ARHGAP10: variants seen among roughly 807,000 people sequenced by gnomAD.
ARHGAP10 encodes rho GTPase-activating protein 10.
ARHGAP10 carries 87 observed loss-of-function variants against 108.6 expected under a neutral mutation model. The observed-to-expected ratio is 0.80, with a 90% CI of 0.67 to 0.96. The LOEUF (loss-of-function observed/expected upper bound fraction) is 0.96. ARHGAP10 is among the 40% of genes least tolerant of loss of function. ARHGAP10 has a pLI of 0.00. For synonymous variants in ARHGAP10, 347 were observed against 341.1 expected (o/e 1.02, Z -0.19); for missense variants, 939 against 954.5 (o/e 0.98, Z 0.21).
chr4:147,737,608 T>G (rs964032882), intron 1 of ARHGAP10, among the ~76,000 whole-genome samples: 3 of 152,240 alleles, frequency 2.0e-5, no homozygotes, highest in Non-Finnish European at 4.4e-5. Flanking sequence ...GGAATACTCA[T>G]CTACACTCTT....
intron 20 of ARHGAP10, among the ~76,000 whole-genome samples, chr4:148,056,900 G>GCTT (rs567607371): frequency 1.3e-5 from 2 of 152,132 alleles, no homozygotes; most frequent in Non-Finnish European, 2.9e-5. Flanking sequence ...AGTAGTGAGG[G>GCTT]CTTCATTTAT....
chr4:147,782,696 C>G (rs550088277), intron 1 of ARHGAP10: 5 of 152,250 alleles, frequency 3.3e-5, no homozygotes, highest in Non-Finnish European at 7.4e-5. Flanking sequence ...GACTGTGGTA[C>G]AACTTGTTCT....
At chr4:147,893,299 C>A (rs1735860043) in intron 10 of ARHGAP10, among the ~76,000 whole-genome samples, 1 of 151,834 alleles carries the variant, frequency 6.6e-6, no homozygotes, top group Non-Finnish European at 1.5e-5. Context: ...CTCAGGTGAT[C>A]CACCTGCCTC....
chr4:147,972,989 A>G (rs76239182), intron 18 of ARHGAP10, among the ~76,000 whole-genome samples: 10,811 of 152,118 alleles, frequency 0.071, 615 homozygotes, highest in African/African-American at 0.16. Flanking sequence ...TCCTGATCTC[A>G]AGTGATCCAC....
intron 19 of ARHGAP10, among the ~76,000 whole-genome samples, chr4:148,045,461 G>A (rs1728832481): frequency 6.6e-6 from 1 of 152,082 alleles, no homozygotes; most frequent in East Asian, 1.9e-4. Flanking sequence ...AATCCATCTG[G>A]CTGGGTGCAG....
chr4:147,889,162 T>C (rs868417345), intron 10 of ARHGAP10, among the ~76,000 whole-genome samples: 3 of 152,214 alleles, frequency 2.0e-5, no homozygotes, highest in Admixed American at 2.0e-4. Context: ...TCAACTATCC[T>C]TTTCTTCTGC....
intron 19 of ARHGAP10, among the ~76,000 whole-genome samples, chr4:148,043,394 T>G (rs1728716071): frequency 2.0e-5 from 3 of 151,914 alleles, no homozygotes; most frequent in African/African-American, 7.3e-5. Flanking sequence ...GGGAAGAGAT[T>G]GTGTGATCAC....
At chr4:148,008,719 G>A (rs1225849107) in intron 18 of ARHGAP10, among the ~76,000 whole-genome samples, 1 of 152,086 alleles carries the variant, frequency 6.6e-6, no homozygotes, top group African/African-American at 2.4e-5. Flanking sequence ...CTCAAAGTGT[G>A]AACTGGGGTC....
At chr4:147,967,718 G>C (rs35739014) in intron 18 of ARHGAP10, among the ~76,000 whole-genome samples, 2 of 152,178 alleles carry the variant, frequency 1.3e-5, no homozygotes, top group African/African-American at 4.8e-5. Flanking sequence ...ACAGAGACCA[G>C]ATAGCCCGCA....
At chr4:148,060,345 G>A (rs10027275) in intron 20 of ARHGAP10, among the ~76,000 whole-genome samples, 1 of 135,106 alleles carries the variant, frequency 7.4e-6, no homozygotes, top group Non-Finnish European at 1.6e-5. Flanking sequence ...CTCATGTTTA[G>A]TTTTTTTTTT....
chr4:147,845,642 G>A (rs1266275219), intron 3 of ARHGAP10, among the ~76,000 whole-genome samples: 1 of 152,100 alleles, frequency 6.6e-6, no homozygotes, highest in Non-Finnish European at 1.5e-5. Context: ...ATTCTGGGCC[G>A]ACTTCTTTCT....
chr4:147,973,747 G>T (rs1386659142), intron 18 of ARHGAP10, among the ~76,000 whole-genome samples: 1 of 152,034 alleles, frequency 6.6e-6, no homozygotes, highest in African/African-American at 2.4e-5. Flanking sequence ...GAGTTAAATT[G>T]TTTCAGTTTT....
intron 3 of ARHGAP10, among the ~76,000 whole-genome samples, chr4:147,834,875 C>T (rs1161825730): frequency 6.6e-6 from 1 of 151,912 alleles, no homozygotes; most frequent in Non-Finnish European, 1.5e-5. Flanking sequence ...TCCCCATTTT[C>T]TCTCACAGAT....
chr4:148,052,339 TAA>T (rs540156426), intron 20 of ARHGAP10, among the ~76,000 whole-genome samples: 24 of 105,004 alleles, frequency 2.3e-4, no homozygotes, highest in Non-Finnish European at 3.2e-4. Flanking sequence ...TCTGATTATG[TAA>T]AAAAAAAAAA....
intron 3 of ARHGAP10, among the ~76,000 whole-genome samples, chr4:147,828,334 T>G (rs1266502075): frequency 6.6e-6 from 1 of 152,264 alleles, no homozygotes; most frequent in Non-Finnish European, 1.5e-5. Flanking sequence ...GTCATCTGTG[T>G]GTATGCTCAG....
chr4:147,981,943 C>T (rs1739822915), intron 18 of ARHGAP10, among the ~76,000 whole-genome samples: 1 of 151,986 alleles, frequency 6.6e-6, no homozygotes. Flanking sequence ...TACTTTGAGC[C>T]CAGGGGCGTG....
At chr4:147,849,884 T>C (rs1049331207) in intron 4 of ARHGAP10, among the ~76,000 whole-genome samples, 2 of 152,228 alleles carry the variant, frequency 1.3e-5, no homozygotes, top group Admixed American at 1.3e-4. Flanking sequence ...TCTTATGTGC[T>C]TGCTAGGTTC....
intron 18 of ARHGAP10, among the ~76,000 whole-genome samples, chr4:148,010,907 A>G (rs1741145941): frequency 6.6e-6 from 1 of 152,194 alleles, no homozygotes; most frequent in African/African-American, 2.4e-5. Flanking sequence ...AATTGCCCCA[A>G]TCCAGGATCA....
Position 148,047,061 on chromosome 4 carries a change from C to T in ARHGAP10, c.2027+10C>T, listed in dbSNP as rs370549475. The T allele has an allele frequency of 4.3e-5, 70 of 1,613,560 alleles. No individual in the cohort carries two copies. Among genetic ancestry groups the T allele is most frequent in the Admixed American group, 6.7e-5 (4 of 59,944 alleles). On this transcript the variant is annotated intron_variant, in intron 20 of 22. Coordinates refer to ENST00000336498, the MANE Select transcript of ARHGAP10 (RefSeq NM_024605.4). ...ACTGGGCATCCACTATGTAAGTAAC[C>T]GTGCTTCTGTTGGGTGCTGAAGGGT...
Sources: allele counts gnomAD v4.1 joint callset (sites outside exome capture counted in the v4.1 genomes callset), GRCh38; gene constraint gnomAD v4.1.1; transcripts MANE v1.5; gene names NCBI Gene and HGNC (gene_info 2026-07-23, HGNC 2026-07-21).